The following RBP4 variants were observed in gnomAD, a reference collection of about 807,000 sequenced individuals.
The protein encoded by RBP4 is retinol binding protein 4, also known as retinol-binding protein 4.
A neutral mutation model predicts 26.2 loss-of-function variants in RBP4; 9 were observed. The observed-to-expected ratio is 0.34, with a 90% CI of 0.21 to 0.60. RBP4 has a LOEUF of 0.60. Ranked by LOEUF, RBP4 falls within the 20% of genes least tolerant of loss-of-function variation. The pLI is 0.80. For missense variants in RBP4, 244 were observed against 271.3 expected (o/e 0.90, Z 0.71); for synonymous variants, 114 against 111.0 (o/e 1.03, Z -0.17).
At position 93,601,195 on chromosome 10, in the gene RBP4, G is replaced by A. The variant is rs550836551; in HGVS notation, c.-43C>T. On this transcript the variant is annotated 5_prime_UTR_variant, in exon 1 of 6. Transcript: ENST00000371464. ...CCACCGGGAGGGGAACCGCGCGCAA[G>A]CCTGGCCGCCGAGTCCGGGCGCGCG... 678 of 1,345,574 alleles carry A rather than the reference G, an allele frequency of 5.0e-4. 12 individuals carry two copies. The South Asian group carries it at 0.012, about 24-fold the overall frequency. The allele number at this position is 1,345,574 out of a possible 1,614,324, so 83.4% of individuals were successfully genotyped here.
intron 4 of RBP4, 117 bp downstream of exon 4, chr10:93,600,276 C>G: frequency 1.1e-6 from 1 of 930,620 alleles, no homozygotes; most frequent in East Asian, 2.4e-5. Flanking sequence ...CCTGACACTT[C>G]CAGACCTTTC....
Position 93,591,961 on chromosome 10 carries a change from A to T in RBP4, c.*114T>A. On this transcript the variant is annotated 3_prime_UTR_variant, in exon 6 of 6. Coordinates refer to ENST00000371464, the MANE Select transcript of RBP4 (RefSeq NM_006744.4). ...TATCTTTATGTGTAATGAAGGTTTT[A>T]TGGGAACTGAGGGAAGATGGGGAGA... 1 of 905,050 alleles carries T rather than the reference A, an allele frequency of 1.1e-6. No individual in the cohort carries two copies. The highest frequency in any genetic ancestry group is 1.8e-6 in the Non-Finnish European group (1 of 543,910). The allele number at this position is 905,050 out of a possible 1,614,324, so 56.1% of individuals were successfully genotyped here.
At chr10:93,592,263 G>A in intron 5 of RBP4, 151 bp from the exon 6 acceptor site, 2 of 730,762 alleles carry the variant, frequency 2.7e-6, no homozygotes, top group Non-Finnish European at 4.9e-6. Context: ...ACGGATACAG[G>A]TGGCTGTAAT....
chr10:93,600,489 C>T lies in RBP4; in HGVS notation c.259G>A (p.Val87Met). 6.2e-7 allele frequency: 1 copy of T among 1,614,150 alleles called. No individual in the cohort carries two copies. The highest frequency in any genetic ancestry group is 8.5e-7 in the Non-Finnish European group (1 of 1,180,028). ...AAGGTGCCCACCATGTCTGCGCACA[C>T]GTCCCAGTTACTGCAAAAGCCAAGG... ...GRVRLLNNWD[V>M]CADMVGTFTD... is the part of the protein sequence containing the mutation. Residue 87 changes from valine (V) to methionine (M), a missense_variant, in exon 4 of 6, where the codon GTG becomes ATG. Physicochemically the swap from Val to Met is conservative, Grantham distance 21. Coordinates refer to ENST00000371464, the MANE Select transcript of RBP4 (RefSeq NM_006744.4).
At chr10:93,593,599 A>T (rs1405598624) in intron 5 of RBP4, among the ~76,000 whole-genome samples, 2 of 152,198 alleles carry the variant, frequency 1.3e-5, no homozygotes, top group Non-Finnish European at 2.9e-5. Context: ...TGTTAGTGCC[A>T]GTGAACTGGA....
At chr10:93,601,133 A>T (rs1314712595) in intron 1 of RBP4, 38 bp downstream of exon 1, 2 of 871,918 alleles carry the variant, frequency 2.3e-6, no homozygotes. Context: ...ACCCCGGCCC[A>T]TCCCGCCGCC....
intron 4 of RBP4, among the ~76,000 whole-genome samples, chr10:93,599,501 G>A (rs1014160329): frequency 6.6e-6 from 1 of 152,196 alleles, no homozygotes; most frequent in African/African-American, 2.4e-5. Flanking sequence ...AGTCCCTGCA[G>A]TTCAGGGCCA....
rs1402492582 is a variant in RBP4 at position 93,591,935 on chromosome 10, G to GT, written c.*139dup. The stretch of plus-strand genomic sequence containing the variant: ...CAAGCAGATTCACTGACCCCCACGT[G>GT]TATCTTTATGTGTAATGAAGGTTTT... On this transcript the variant is annotated 3_prime_UTR_variant, in exon 6 of 6. Coordinates refer to ENST00000371464, the MANE Select transcript of RBP4 (RefSeq NM_006744.4). 1.5e-5 allele frequency: 11 copies of GT among 750,668 alleles called. No homozygotes were observed. The highest frequency in any genetic ancestry group is 2.3e-5 in the Non-Finnish European group (10 of 427,748). 46.5% of individuals were successfully genotyped at this position (750,668 alleles called of 1,614,324 possible).
Position 93,600,269 on chromosome 10 carries a change from G to A in RBP4, c.355+124C>T, listed in dbSNP as rs1179017139. Reference sequence around the variant, plus strand: ...ACCTCAGGTGGTGCTGCGGGTTCCTGACACTTCCAGACCTTTCCGCAGGCC... The same window carrying A: ...ACCTCAGGTGGTGCTGCGGGTTCCTAACACTTCCAGACCTTTCCGCAGGCC... On this transcript the variant is annotated intron_variant, in intron 4 of 5. Transcript: ENST00000371464. The A allele has an allele frequency of 5.8e-6, 5 of 867,568 alleles. No individual in the cohort carries two copies. In the East Asian group the frequency reaches 1.2e-4, roughly 21 times the overall value. The allele number at this position is 867,568 out of a possible 1,614,324, so 53.7% of individuals were successfully genotyped here.
At chr10:93,601,688 A>G (rs1241766593), upstream of RBP4, 3 of 779,142 alleles carry the variant, frequency 3.9e-6, no homozygotes, top group South Asian at 4.0e-5. Context: ...TCTGAGGTCC[A>G]CTTGTGCAGG....
upstream of RBP4, chr10:93,601,530 G>A: frequency 1.5e-6 from 1 of 653,506 alleles, no homozygotes; most frequent in South Asian, 1.8e-5. Context: ...GGTCTAGGGT[G>A]GCCTCCGGGG....
Position 93,591,820 on chromosome 10 carries a change from C to T in RBP4, c.*255G>A, listed in dbSNP as rs115754552. Reference sequence around the variant, plus strand: ...TCCGTCTGCAGCACAGACATAAACACAAATGAAAACTAAAATCACAGGACA... The same window carrying T: ...TCCGTCTGCAGCACAGACATAAACATAAATGAAAACTAAAATCACAGGACA... On this transcript the variant is annotated 3_prime_UTR_variant, in exon 6 of 6. Transcript: ENST00000371464. 2.4e-3 allele frequency: 1,268 copies of T among 519,930 alleles called. 15 individuals are homozygous for T. Among genetic ancestry groups the T allele is most frequent in the African/African-American group, 0.022 (1,144 of 52,228 alleles). The allele number at this position is 519,930 out of a possible 1,614,324, so 32.2% of individuals were successfully genotyped here. A position where few individuals can be genotyped will look rare whatever the true frequency, so the allele number is the denominator to read the frequency against.
chr10:93,592,682 G>A (rs11187542), intron 5 of RBP4, among the ~76,000 whole-genome samples: 13,252 of 152,162 alleles, frequency 0.087, 723 homozygotes, highest in African/African-American at 0.12. Context: ...CTGCTGTGGT[G>A]GAATCCTTGC....
At chr10:93,594,376 C>T (rs74592273) in intron 4 of RBP4, among the ~76,000 whole-genome samples, 2,810 of 152,262 alleles carry the variant, frequency 0.018, 38 homozygotes, top group South Asian at 0.054. Context: ...AACCGTTCTA[C>T]TGTCGCTTCA....
chr10:93,592,082 A>C lies in RBP4; in HGVS notation c.599T>G (p.Leu200Arg). The C allele has an allele frequency of 9.3e-6, 15 of 1,613,940 alleles. No individual in the cohort carries two copies. Among genetic ancestry groups the C allele is most frequent in the Non-Finnish European group, 1.3e-5 (15 of 1,179,780 alleles). ...GYCDGRSERN[L>R]L is the part of the protein sequence containing the mutation. ...ACTAGATTCTTGATATTGCTACAAA[A>C]GGTTTCTTTCTGATCTGCCATCGCA... is the stretch of plus-strand genomic sequence containing the variant. The change falls in exon 6 of 6, where the codon CTT (leucine) becomes CGT (arginine). Residue 200 changes from leucine (L) to arginine (R), a missense_variant. By Grantham distance (102) the Leu-to-Arg change is moderately radical (BLOSUM62 -2). Transcript: ENST00000371464.
chr10:93,595,231 A>G (rs1427477782), intron 4 of RBP4, among the ~76,000 whole-genome samples: 2 of 152,164 alleles, frequency 1.3e-5, no homozygotes, highest in African/African-American at 4.8e-5. Flanking sequence ...AAAGTGCCAC[A>G]TCTCTACTTA....
rs780658173 is a variant in RBP4, at chr10:93,593,968, C to T, written c.423G>A (p.Leu141=). 9.3e-6 allele frequency: 15 copies of T among 1,613,910 alleles called. No individual in the cohort carries two copies. The highest frequency in any genetic ancestry group is 3.3e-5 in the South Asian group (3 of 91,082). The part of the protein sequence containing the change: ...TYAVQYSCRL[L]NLDGTCADSY... Reference sequence around the variant, plus strand: ...TGTCAGCACAGGTGCCATCGAGGTTCAGGAGGCGGCAGGAGTACTGCACGG... The same window carrying T: ...TGTCAGCACAGGTGCCATCGAGGTTTAGGAGGCGGCAGGAGTACTGCACGG... Residue 141 remains leucine (L), a synonymous_variant, in exon 5 of 6, where the codon CTG becomes CTA. Transcript: ENST00000371464.
In RBP4 at chr10:93,591,915, A is replaced by G; in HGVS notation, c.*160T>C. 1 of 661,754 alleles carries G rather than the reference A, an allele frequency of 1.5e-6. No homozygotes were observed. Among genetic ancestry groups the G allele is most frequent in the Non-Finnish European group, 2.7e-6 (1 of 372,414 alleles). 41.0% of individuals were successfully genotyped at this position (661,754 alleles called of 1,614,324 possible). On this transcript the variant is annotated 3_prime_UTR_variant, in exon 6 of 6. Transcript: ENST00000371464. ...CCAGAAACTTTCAGGAAAGGCAAGC[A>G]GATTCACTGACCCCCACGTGTATCT...
At position 93,593,827 on chromosome 10, in the gene RBP4, G is replaced by A; in HGVS notation, c.564C>T (p.His188=). ...GGCACCCTGCTCCTGACTCACCGTT[G>A]TGGACGATCAGCCTGTACTGCCTGG... ...CLARQYRLIV[H]NGYCDGRSER... The change falls in exon 5 of 6, where the codon CAC becomes CAT. Residue 188 remains histidine, a synonymous_variant. Transcript: ENST00000371464. The A allele has an allele frequency of 6.2e-7, 1 of 1,611,682 alleles. No individual in the cohort carries two copies. Among genetic ancestry groups the A allele is most frequent in the East Asian group, 2.2e-5 (1 of 44,876 alleles).
Sources: gnomAD v4.1 joint callset for allele counts (sites outside exome capture counted in the v4.1 genomes callset) on GRCh38, gnomAD v4.1.1 for gene constraint, MANE v1.5 for transcripts, NCBI Gene and HGNC (gene_info 2026-07-23, HGNC 2026-07-21) for gene names.